ITPRID1: variants seen among roughly 807,000 people sequenced by gnomAD.
The protein encoded by ITPRID1 is ITPR interacting domain containing 1.
ITPRID1 carries 96 observed loss-of-function variants against 95.4 expected under a neutral mutation model. The observed-to-expected ratio is 1.01, with a 90% CI of 0.85 to 1.19. The LOEUF is 1.19. Among genes scored for constraint, ITPRID1 ranks in the 50% most tolerant of loss-of-function variants. The probability of loss-of-function intolerance (pLI) is 0.00; values close to 1 mark genes in which losing one functional copy is unlikely to be tolerated. For missense variants in ITPRID1, 1,339 were observed against 1,252.9 expected, an observed-to-expected ratio of 1.07 and a Z score of -1.04; for synonymous variants, 510 against 453.6, an observed-to-expected ratio of 1.12 and a Z score of -1.58.
chr7:31,643,388 A>G lies in ITPRID1; in HGVS notation c.2018A>G (p.Asp673Gly). ...LIPHLHKLPG[D>G]PAQVKSRSGT... is the part of the protein sequence containing the mutation. ...CCCCACCTCCATAAACTGCCTGGAG[A>G]TCCTGCCCAGGTGAAGTCAAGGTCT... is the stretch of plus-strand genomic sequence containing the variant. The change falls in exon 12 of 15, where the codon GAT (aspartate) becomes GGT (glycine). Residue 673 changes from aspartate (D) to glycine (G), a missense_variant. Physicochemically the swap from Asp to Gly is moderately conservative, Grantham distance 94. Coordinates refer to ENST00000615280, the MANE Select transcript of ITPRID1 (RefSeq NM_001257967.3). 1.2e-6 allele frequency: 2 copies of G among 1,613,962 alleles called. No individual in the cohort carries two copies.
At chr7:31,612,851 A>T (rs961143350) in intron 10 of ITPRID1, among the ~76,000 whole-genome samples, 1 of 152,150 alleles carries the variant, frequency 6.6e-6, no homozygotes, top group Non-Finnish European at 1.5e-5. Flanking sequence ...CCTTTTGTAG[A>T]TCCACACGAA....
chr7:31,605,681 G>A (rs1786591250), intron 10 of ITPRID1, among the ~76,000 whole-genome samples: 1 of 152,176 alleles, frequency 6.6e-6, no homozygotes, highest in South Asian at 2.1e-4. Flanking sequence ...GGGTATTAGG[G>A]TTCTTTCTCT....
At chr7:31,646,549 C>T (rs1484381556) in intron 12 of ITPRID1, among the ~76,000 whole-genome samples, 2 of 152,200 alleles carry the variant, frequency 1.3e-5, no homozygotes, top group African/African-American at 4.8e-5. Flanking sequence ...CCTGGGCCAG[C>T]TCCAGGGTGA....
In ITPRID1 at chr7:31,642,981, C is replaced by T. The variant is rs76357748; in HGVS notation, c.1611C>T (p.Asp537=). ...TTTRGECPRK[D]SHLWQLLPMP... ...CGAGGGGAGAATGCCCAAGGAAAGA[C>T]AGCCATCTGTGGCAGCTTCTGCCAA... The change falls in exon 12 of 15, where the codon GAC becomes GAT. Residue 537 remains aspartate (D), a synonymous_variant. Coordinates refer to ENST00000615280, the MANE Select transcript of ITPRID1 (RefSeq NM_001257967.3). 6.2e-7 allele frequency: 1 copy of T among 1,613,938 alleles called. No homozygotes were observed. The highest frequency in any genetic ancestry group is 1.3e-5 in the African/African-American group (1 of 74,938).
At chr7:31,566,145 C>T (rs1784792226) in intron 5 of ITPRID1, among the ~76,000 whole-genome samples, 1 of 152,182 alleles carries the variant, frequency 6.6e-6, no homozygotes, top group African/African-American at 2.4e-5. Flanking sequence ...TCAAGAAGCC[C>T]TGGGTGAAGG....
At chr7:31,588,800 G>A (rs1005829425) in intron 10 of ITPRID1, among the ~76,000 whole-genome samples, 12 of 151,888 alleles carry the variant, frequency 7.9e-5, no homozygotes, top group Non-Finnish European at 1.3e-4. Context: ...ACTAACTGTT[G>A]AACCAAACAC....
chr7:31,533,315 G>A (rs971570121), intron 1 of ITPRID1, among the ~76,000 whole-genome samples: 5 of 151,974 alleles, frequency 3.3e-5, no homozygotes, highest in African/African-American at 1.2e-4. Flanking sequence ...GATAACATAT[G>A]TTTACATTGT....
At chr7:31,538,279 A>G (rs1202796648) in intron 1 of ITPRID1, among the ~76,000 whole-genome samples, 1 of 152,030 alleles carries the variant, frequency 6.6e-6, no homozygotes, top group East Asian at 1.9e-4. Context: ...CACACACACT[A>G]TGTATGTAGT....
chr7:31,539,791 G>T (rs538023233), intron 1 of ITPRID1, among the ~76,000 whole-genome samples: 1 of 152,176 alleles, frequency 6.6e-6, no homozygotes, highest in African/African-American at 2.4e-5. Flanking sequence ...GTTTCTGTGT[G>T]GGGGAGAAGT....
chr7:31,577,543 A>G (rs1173620467), intron 8 of ITPRID1, among the ~76,000 whole-genome samples: 3 of 152,232 alleles, frequency 2.0e-5, no homozygotes, highest in Non-Finnish European at 2.9e-5. Flanking sequence ...ATATGTTAGT[A>G]CACAGATTCA....
intron 12 of ITPRID1, among the ~76,000 whole-genome samples, chr7:31,644,874 G>A (rs1014716420): frequency 1.3e-5 from 2 of 152,182 alleles, no homozygotes; most frequent in African/African-American, 2.4e-5. Context: ...GTGGAACCAC[G>A]ATTTACTGAG....
intron 1 of ITPRID1, among the ~76,000 whole-genome samples, chr7:31,519,614 C>CCA (rs1783161314): frequency 2.3e-5 from 1 of 43,182 alleles, no homozygotes; most frequent in Non-Finnish European, 4.5e-5. Flanking sequence ...CTCTCTCTCT[C>CCA]TCTCTCTATA....
At chr7:31,558,416 C>T (rs1321650667) in intron 5 of ITPRID1, among the ~76,000 whole-genome samples, 2 of 152,136 alleles carry the variant, frequency 1.3e-5, no homozygotes, top group East Asian at 1.9e-4. Context: ...TATGCATCAG[C>T]CCTTTGGGAC....
At chr7:31,631,021 CAAG>C (rs1363534990) in intron 10 of ITPRID1, among the ~76,000 whole-genome samples, 1 of 151,984 alleles carries the variant, frequency 6.6e-6, no homozygotes, top group Non-Finnish European at 1.5e-5. Flanking sequence ...GTTATTAACT[CAAG>C]AAGTAGGTAT....
intron 7 of ITPRID1, among the ~76,000 whole-genome samples, chr7:31,573,206 A>G (rs1785052792): frequency 6.6e-6 from 1 of 152,190 alleles, no homozygotes; most frequent in South Asian, 2.1e-4. Flanking sequence ...TGTGATTTCA[A>G]AAATGCTAAG....
Position 31,656,379 on chromosome 7 carries a change from G to C in ITPRID1, c.*3550G>C, listed in dbSNP as rs1002712372. The C allele has an allele frequency of 1.7e-5, 7 of 402,142 alleles. No individual in the cohort carries two copies. The highest frequency in any genetic ancestry group is 1.3e-4 in the African/African-American group (6 of 45,886). 24.9% of individuals were successfully genotyped at this position (402,142 alleles called of 1,614,324 possible). A position where few individuals can be genotyped will look rare whatever the true frequency, so the allele number is the denominator to read the frequency against. On this transcript the variant is annotated 3_prime_UTR_variant, in exon 15 of 15. Coordinates refer to ENST00000615280, the MANE Select transcript of ITPRID1 (RefSeq NM_001257967.3). ...GAAGAAAAACAACATAGAGTTGTTG[G>C]ACAGAATAAATACCATGAATCCTGT...
chr7:31,626,259 A>C (rs141385372), intron 10 of ITPRID1, among the ~76,000 whole-genome samples: 1 of 152,218 alleles, frequency 6.6e-6, no homozygotes, highest in South Asian at 2.1e-4. Flanking sequence ...ACTTTGTGTG[A>C]CTAAAGATAT....
chr7:31,571,929 C>T (rs558283263), intron 6 of ITPRID1, among the ~76,000 whole-genome samples, 173 bp from the exon 7 acceptor site: 11 of 152,182 alleles, frequency 7.2e-5, no homozygotes, highest in Non-Finnish European at 4.4e-5. Context: ...CTCTTGAAAA[C>T]AGGAGCAGCT....
intron 1 of ITPRID1, among the ~76,000 whole-genome samples, chr7:31,529,303 G>A (rs1156559048): frequency 1.3e-5 from 2 of 152,214 alleles, no homozygotes; most frequent in Admixed American, 6.5e-5. Flanking sequence ...GTAACACACA[G>A]TGTCATAACC....
Sources: gnomAD v4.1 joint callset for allele counts (sites outside exome capture counted in the v4.1 genomes callset) on GRCh38, gnomAD v4.1.1 for gene constraint, MANE v1.5 for transcripts, NCBI Gene and HGNC (gene_info 2026-07-23, HGNC 2026-07-21) for gene names.